SLC8A1: variants seen among roughly 807,000 people sequenced by gnomAD.
SLC8A1 encodes solute carrier family 8 member A1.
In SLC8A1, 18 loss-of-function variants were observed where a neutral mutation model predicts 68.3. The observed-to-expected ratio is 0.26, with a 90% CI of 0.18 to 0.39. The LOEUF (loss-of-function observed/expected upper bound fraction) is 0.39, where lower values mean the gene tolerates loss of function less well. Ranked by LOEUF, SLC8A1 falls within the 10% of genes least tolerant of loss-of-function variation. The pLI is 1.00. For synonymous variants in SLC8A1, 475 were observed against 415.5 expected (o/e 1.14, Z -1.74); for missense variants, 985 against 1,156.7 (o/e 0.85, Z 2.15).
At chr2:40,200,405 A>G (rs2054137809) in intron 2 of SLC8A1, among the ~76,000 whole-genome samples, 2 of 146,832 alleles carry the variant, frequency 1.4e-5, no homozygotes, top group Admixed American at 7.0e-5. Flanking sequence ...GGTCATGGTG[A>G]CCTTAAATTA....
intron 1 of SLC8A1, among the ~76,000 whole-genome samples, chr2:40,434,254 C>T (rs1052604419): frequency 2.0e-5 from 3 of 152,088 alleles, no homozygotes; most frequent in African/African-American, 7.2e-5. Context: ...CAAAAGAGAG[C>T]AGTATTATAA....
At chr2:40,236,891 T>C (rs1047599138) in intron 2 of SLC8A1, among the ~76,000 whole-genome samples, 3 of 151,908 alleles carry the variant, frequency 2.0e-5, no homozygotes, top group African/African-American at 7.3e-5. Context: ...AAATTCTGGG[T>C]TGAAAATTCT....
chr2:40,256,250 C>T lies in SLC8A1; in HGVS notation c.1809-78395G>A, dbSNP rs186368972. On this transcript the variant is annotated intron_variant, in intron 2 of 7. Coordinates refer to ENST00000406785, the Ensembl canonical transcript of SLC8A1. ...CACTCTTAAGGACACATCACACACT[C>T]TGTGGAAGAGGGTAGGAGAGGTGTG... Among the ~76,000 whole-genome samples, 27 of 152,266 alleles carry T rather than the reference C, an allele frequency of 1.8e-4. 1 individual carries two copies. In the East Asian group the frequency reaches 4.8e-3, roughly 27 times the overall value.
chr2:40,278,917 C>T (rs1376817522), intron 2 of SLC8A1, among the ~76,000 whole-genome samples: 1 of 152,048 alleles, frequency 6.6e-6, no homozygotes, highest in Non-Finnish European at 1.5e-5. Flanking sequence ...TTTGACTTCT[C>T]TTCAAAGCCC....
chr2:40,420,921 T>C (rs1695329512), intron 2 of SLC8A1, among the ~76,000 whole-genome samples: 2 of 152,160 alleles, frequency 1.3e-5, no homozygotes, highest in African/African-American at 4.8e-5. Context: ...CCAGAGAAAG[T>C]TAAATCTCTA....
At chr2:40,186,562 A>C (rs1485016946) in intron 2 of SLC8A1, among the ~76,000 whole-genome samples, 1 of 152,130 alleles carries the variant, frequency 6.6e-6, no homozygotes, top group African/African-American at 2.4e-5. Context: ...TTTTTACATC[A>C]TTTTTAGATT....
At chr2:40,143,914 G>GA (rs2148320848) in intron 6 of SLC8A1, among the ~76,000 whole-genome samples, 1 of 152,254 alleles carries the variant, frequency 6.6e-6, no homozygotes, top group Non-Finnish European at 1.5e-5. Flanking sequence ...CCACTTTATA[G>GA]TTCTGACAGC....
chr2:40,358,048 G>GAAAAAAAAA (rs776231355), intron 2 of SLC8A1, among the ~76,000 whole-genome samples: 2 of 77,740 alleles, frequency 2.6e-5, no homozygotes, highest in East Asian at 4.1e-4. Flanking sequence ...GCAACTGAAG[G>GAAAAAAAAA]AAAAAAAAAA....
intron 2 of SLC8A1, among the ~76,000 whole-genome samples, chr2:40,322,195 C>T (rs555342274): frequency 1.4e-4 from 22 of 152,246 alleles, no homozygotes; most frequent in Non-Finnish European, 2.9e-4. Flanking sequence ...TAGTAAGAAA[C>T]GAGTTTTCCA....
intron 5 of SLC8A1, 31 bp from the exon 9 acceptor site, chr2:40,160,895 C>G (rs2045557620): frequency 2.0e-6 from 3 of 1,537,160 alleles, no homozygotes; most frequent in Non-Finnish European, 2.7e-6. Flanking sequence ...AATATAAATG[C>G]TGGGTTCGCT....
intron 7 of SLC8A1, among the ~76,000 whole-genome samples, chr2:40,132,216 C>T (rs187590336): frequency 5.3e-5 from 8 of 152,022 alleles, no homozygotes; most frequent in East Asian, 3.9e-4. Flanking sequence ...CAAGATGGCA[C>T]GATAGAGTAG....
rs2056416545 is a variant in SLC8A1 at position 40,210,669 on chromosome 2, AC to A, written c.1809-32815del. Reference sequence around the variant, plus strand: ...GAAATGCAAATGAATTTCCTGTTTCACCAGAAATTCAGTATTATCTAATGAA... The same window carrying A: ...GAAATGCAAATGAATTTCCTGTTTCACAGAAATTCAGTATTATCTAATGAA... On this transcript the variant is annotated intron_variant, in intron 2 of 7. Coordinates refer to ENST00000406785, the Ensembl canonical transcript of SLC8A1. Among the ~76,000 whole-genome samples the A allele has an allele frequency of 2.0e-5, 3 of 152,180 alleles. No homozygotes were observed. In the South Asian group the frequency reaches 6.2e-4, roughly 32 times the overall value.
intron 7 of SLC8A1, among the ~76,000 whole-genome samples, chr2:40,118,973 G>A (rs138679474): frequency 5.9e-5 from 9 of 152,066 alleles, no homozygotes; most frequent in Non-Finnish European, 1.0e-4. Context: ...CTTTGCTGCC[G>A]CACCAGAAGG....
chr2:40,148,046 C>G (rs1417469653), intron 6 of SLC8A1, among the ~76,000 whole-genome samples: 1 of 152,194 alleles, frequency 6.6e-6, no homozygotes, highest in Non-Finnish European at 1.5e-5. Context: ...AGAGAAAAAT[C>G]TCTGTGGTTT....
At chr2:40,209,820 G>A (rs555350652) in intron 2 of SLC8A1, 24 of 152,596 alleles carry the variant, frequency 1.6e-4, no homozygotes, top group African/African-American at 4.8e-4. Flanking sequence ...TAAGACACAG[G>A]AGGGGAGGCA....
intron 7 of SLC8A1, among the ~76,000 whole-genome samples, chr2:40,130,114 A>C (rs1434775787): frequency 6.6e-6 from 1 of 152,236 alleles, no homozygotes; most frequent in African/African-American, 2.4e-5. Flanking sequence ...AAAACCCTTA[A>C]AAGTATTTAA....
chr2:40,283,795 G>A (rs115693877), intron 2 of SLC8A1, among the ~76,000 whole-genome samples: 4 of 152,106 alleles, frequency 2.6e-5, no homozygotes, highest in African/African-American at 4.8e-5. Flanking sequence ...AATAGACGCC[G>A]AAGATAGAAC....
intron 2 of SLC8A1, among the ~76,000 whole-genome samples, chr2:40,228,450 C>CA (rs1352164872): frequency 1.3e-5 from 2 of 152,202 alleles, no homozygotes; most frequent in Non-Finnish European, 2.9e-5. Flanking sequence ...CAACTGGAGG[C>CA]AGCTGCAGCT....
At chr2:40,402,869 C>A (rs1689158224) in intron 2 of SLC8A1, among the ~76,000 whole-genome samples, 1 of 152,214 alleles carries the variant, frequency 6.6e-6, no homozygotes, top group South Asian at 2.1e-4. Context: ...TAAACTGTCT[C>A]TCTCAGATGA....
Sources: allele counts gnomAD v4.1 joint callset (sites outside exome capture counted in the v4.1 genomes callset), GRCh38; gene constraint gnomAD v4.1.1; transcripts MANE v1.5; gene names NCBI Gene and HGNC (gene_info 2026-07-23, HGNC 2026-07-21).